KCNIP4: variants seen among roughly 807,000 people sequenced by gnomAD.
The protein encoded by KCNIP4 is potassium voltage-gated channel interacting protein 4.
In KCNIP4, 12 loss-of-function variants were observed where a neutral mutation model predicts 34.0. The observed-to-expected ratio is 0.35, with a 90% CI of 0.23 to 0.57. KCNIP4 has a LOEUF of 0.57. KCNIP4 is among the 20% of genes least tolerant of loss of function. The probability of loss-of-function intolerance (pLI) is 0.83; values close to 1 mark genes in which losing one functional copy is unlikely to be tolerated. For synonymous variants in KCNIP4, 124 were observed against 102.2 expected, an observed-to-expected ratio of 1.21 and a Z score of -1.29; for missense variants, 238 against 311.7, an observed-to-expected ratio of 0.76 and a Z score of 1.78.
chr4:21,882,335 A>C (rs1726505496), intron 1 of KCNIP4, among the ~76,000 whole-genome samples: 1 of 152,184 alleles, frequency 6.6e-6, no homozygotes, highest in Non-Finnish European at 1.5e-5. Flanking sequence ...ACAGCATTCA[A>C]ATCTGGTAGG....
At chr4:21,254,750 GC>G in intron 1 of KCNIP4, among the ~76,000 whole-genome samples, 1 of 152,176 alleles carries the variant, frequency 6.6e-6, no homozygotes, top group Admixed American at 6.5e-5. Context: ...AAAATGAGTT[GC>G]CCCCAAGAGT....
chr4:21,618,969 C>T (rs1263595580), intron 1 of KCNIP4, among the ~76,000 whole-genome samples: 2 of 152,032 alleles, frequency 1.3e-5, no homozygotes, highest in African/African-American at 4.8e-5. Context: ...CATATGTTCA[C>T]TTGTTTGTTT....
intron 3 of KCNIP4, among the ~76,000 whole-genome samples, chr4:20,761,962 C>CT (rs1400998355): frequency 1.3e-5 from 2 of 152,124 alleles, no homozygotes; most frequent in African/African-American, 4.8e-5. Context: ...ACTGGGACTG[C>CT]TACAATAAAC....
chr4:21,680,814 A>G (rs761399434), intron 1 of KCNIP4, among the ~76,000 whole-genome samples: 5 of 152,168 alleles, frequency 3.3e-5, no homozygotes, highest in Non-Finnish European at 7.3e-5. Context: ...TATACAGTAA[A>G]CCATGATATA....
chr4:21,590,837 T>C (rs972822897), intron 1 of KCNIP4, among the ~76,000 whole-genome samples: 1 of 151,904 alleles, frequency 6.6e-6, no homozygotes, highest in African/African-American at 2.4e-5. Flanking sequence ...TGATCCTCTC[T>C]CTCTCTTAAA....
At chr4:20,898,138 G>T (rs1462758965) in intron 1 of KCNIP4, among the ~76,000 whole-genome samples, 1 of 152,038 alleles carries the variant, frequency 6.6e-6, no homozygotes, top group Non-Finnish European at 1.5e-5. Context: ...GGGCATCCTG[G>T]TTCTCAGGCC....
intron 1 of KCNIP4, among the ~76,000 whole-genome samples, chr4:21,141,079 C>T (rs1469049087): frequency 1.3e-5 from 2 of 152,092 alleles, no homozygotes; most frequent in African/African-American, 4.8e-5. Context: ...TTTTGATTTC[C>T]ACTGCATAAA....
At chr4:21,333,740 A>G (rs13107803) in intron 1 of KCNIP4, among the ~76,000 whole-genome samples, 50,305 of 151,048 alleles carry the variant, frequency 0.33, 8,562 homozygotes, top group Middle Eastern at 0.44. Flanking sequence ...TCTGTCTTTG[A>G]AAACAACCAA....
chr4:20,978,566 T>TA (rs1311952744), intron 1 of KCNIP4, among the ~76,000 whole-genome samples: 3 of 152,196 alleles, frequency 2.0e-5, no homozygotes, highest in Non-Finnish European at 4.4e-5. Flanking sequence ...TACATGGTGT[T>TA]ACCTCACCCA....
At chr4:21,766,626 C>T (rs1718435707) in intron 1 of KCNIP4, among the ~76,000 whole-genome samples, 1 of 152,148 alleles carries the variant, frequency 6.6e-6, no homozygotes, top group African/African-American at 2.4e-5. Context: ...AAAACAATTT[C>T]CTTTTCAGTC....
chr4:20,782,733 G>T (rs1359190770), intron 3 of KCNIP4, among the ~76,000 whole-genome samples: 1 of 152,126 alleles, frequency 6.6e-6, no homozygotes, highest in African/African-American at 2.4e-5. Context: ...CTGCTGCAAA[G>T]GTCTCTGACA....
At chr4:21,876,673 G>A (rs114735941) in intron 1 of KCNIP4, among the ~76,000 whole-genome samples, 1 of 152,252 alleles carries the variant, frequency 6.6e-6, no homozygotes, top group African/African-American at 2.4e-5. Context: ...CCTCATGAAA[G>A]TCTTTGAAAA....
intron 1 of KCNIP4, among the ~76,000 whole-genome samples, chr4:21,724,629 G>GT (rs1715065561): frequency 6.6e-6 from 1 of 150,520 alleles, no homozygotes; most frequent in Non-Finnish European, 1.5e-5. Flanking sequence ...AAAAAATACC[G>GT]TATTTCCCTC....
At position 21,751,386 on chromosome 4, in the gene KCNIP4, T is replaced by TATA. The variant is rs199713043; in HGVS notation, c.61+197184_61+197185insTAT. Among the ~76,000 whole-genome samples, 1,330 of 152,282 alleles carry TATA rather than the reference T, an allele frequency of 8.7e-3. 19 individuals are homozygous for TATA. The highest frequency in any genetic ancestry group is 0.039 in the South Asian group (187 of 4,818). On this transcript the variant is annotated intron_variant, in intron 1 of 8. Coordinates refer to ENST00000382152, the MANE Select transcript of KCNIP4 (RefSeq NM_025221.6). ...GATTATTATTAATTGTGTTAGGTGT[T>TATA]ATGACATGGTGTTTATGTATATACA...
chr4:20,879,427 C>T lies in KCNIP4; in HGVS notation c.163+3181G>A, dbSNP rs1162169757. On this transcript the variant is annotated intron_variant, in intron 2 of 8. Coordinates refer to ENST00000382152, the MANE Select transcript of KCNIP4 (RefSeq NM_025221.6). The stretch of plus-strand genomic sequence containing the variant: ...TCCTGGTACATTTCCAAGACAATGG[C>T]GCTTTTTGATATTTGTCTGATAGTC... Among the ~76,000 whole-genome samples the T allele has an allele frequency of 6.6e-5, 10 of 152,148 alleles. No individual in the cohort carries two copies. In the East Asian group the frequency reaches 1.2e-3, roughly 18 times the overall value.
intron 1 of KCNIP4, among the ~76,000 whole-genome samples, chr4:21,388,405 G>A (rs923893047): frequency 6.6e-6 from 1 of 151,914 alleles, no homozygotes; most frequent in South Asian, 2.1e-4. Flanking sequence ...TTTCTTCAAT[G>A]AGTAAGTGAG....
intron 1 of KCNIP4, among the ~76,000 whole-genome samples, chr4:21,470,481 T>G (rs1374678684): frequency 6.6e-6 from 1 of 152,156 alleles, no homozygotes; most frequent in Non-Finnish European, 1.5e-5. Flanking sequence ...AAAATTGAAC[T>G]TCAGGAAAAA....
At chr4:21,569,267 C>CAAAAAAAAAA in intron 1 of KCNIP4, among the ~76,000 whole-genome samples, 1 of 40,352 alleles carries the variant, frequency 2.5e-5, no homozygotes, top group Non-Finnish European at 4.7e-5. Flanking sequence ...AAAAAAAAAG[C>CAAAAAAAAAA]TTGATTGACA....
chr4:21,762,222 A>C (rs1404140463), intron 1 of KCNIP4, among the ~76,000 whole-genome samples: 1 of 152,168 alleles, frequency 6.6e-6, no homozygotes, highest in Admixed American at 6.6e-5. Context: ...ATTCAACTCA[A>C]TATATTCAAA....
Sources: gnomAD v4.1 joint callset for allele counts (sites outside exome capture counted in the v4.1 genomes callset) on GRCh38, gnomAD v4.1.1 for gene constraint, MANE v1.5 for transcripts, NCBI Gene and HGNC (gene_info 2026-07-23, HGNC 2026-07-21) for gene names.